The following BICC1 variants were observed in gnomAD, a reference collection of about 807,000 sequenced individuals.
BICC1 encodes the protein protein bicaudal C homolog 1.
Under a neutral mutation model 111.0 loss-of-function variants are expected in BICC1, and 43 were observed. The observed-to-expected ratio is 0.39, with a 90% confidence interval of 0.30 to 0.50. The LOEUF (loss-of-function observed/expected upper bound fraction) is 0.50, where lower values mean the gene tolerates loss of function less well. Among genes scored for constraint, BICC1 ranks in the 20% least tolerant of loss-of-function variants. The probability of loss-of-function intolerance (pLI) is 0.88; values close to 1 mark genes in which losing one functional copy is unlikely to be tolerated. For missense variants in BICC1, 1,091 were observed against 1,203.2 expected, an observed-to-expected ratio of 0.91 and a Z score of 1.38; for synonymous variants, 467 against 434.4, an observed-to-expected ratio of 1.07 and a Z score of -0.93.
chr10:58,721,419 T>C (rs1840936059), intron 3 of BICC1, among the ~76,000 whole-genome samples: 1 of 152,124 alleles, frequency 6.6e-6, no homozygotes, highest in African/African-American at 2.4e-5. Context: ...CATGGAAAAA[T>C]GGAATTGGGA....
At chr10:58,696,727 A>G (rs1840075204) in intron 2 of BICC1, among the ~76,000 whole-genome samples, 1 of 152,220 alleles carries the variant, frequency 6.6e-6, no homozygotes, top group Non-Finnish European at 1.5e-5. Context: ...TACCTGAAAT[A>G]GCAAAATCAT....
chr10:58,740,686 A>T (rs375359526), intron 3 of BICC1, among the ~76,000 whole-genome samples: 1 of 152,222 alleles, frequency 6.6e-6, no homozygotes, highest in South Asian at 2.1e-4. Context: ...ACAGCTCCTT[A>T]GGACAGAGTT....
chr10:58,786,958 T>C lies in BICC1; in HGVS notation c.423T>C (p.His141=). ...TCACACTGAAGATGGATGTTTCACA[T>C]ACAGAACATTCACATGTAATCGGCA... The part of the protein sequence containing the change: ...NRVTLKMDVS[H]TEHSHVIGKG... The change falls in exon 5 of 21, where the codon CAT becomes CAC. Residue 141 remains histidine (H), a synonymous_variant. Transcript: ENST00000373886. 1 of 1,602,686 alleles carries C rather than the reference T, an allele frequency of 6.2e-7. No homozygotes were observed. The highest frequency in any genetic ancestry group is 8.5e-7 in the Non-Finnish European group (1 of 1,176,424).
chr10:58,544,383 G>A (rs567989172), intron 1 of BICC1, among the ~76,000 whole-genome samples: 2 of 152,226 alleles, frequency 1.3e-5, no homozygotes, highest in East Asian at 1.9e-4. Flanking sequence ...TTTAAAAGTA[G>A]ACTGTCATGG....
rs781693609 is a variant in BICC1, at chr10:58,800,214, T to G, written c.1746T>G (p.Gly582=). ...GHAQSPDIKY[G]AISTSSLGEK... ...TTTAGTCTCCAGATATAAAATATGG[T>G]GCAATATCCACTTCATCACTTGGAG... Residue 582 remains glycine, a synonymous_variant, in exon 13 of 21, where the codon GGT becomes GGG. Transcript: ENST00000373886. 6.2e-7 allele frequency: 1 copy of G among 1,604,722 alleles called. No homozygotes were observed. The highest frequency in any genetic ancestry group is 8.5e-7 in the Non-Finnish European group (1 of 1,172,052).
chr10:58,630,096 C>T (rs1335762298), intron 2 of BICC1, among the ~76,000 whole-genome samples: 1 of 152,188 alleles, frequency 6.6e-6, no homozygotes, highest in Non-Finnish European at 1.5e-5. Flanking sequence ...CTTCTCTATA[C>T]AGTGTACGTG....
At chr10:58,556,473 T>C (rs1387442204) in intron 1 of BICC1, among the ~76,000 whole-genome samples, 1 of 152,122 alleles carries the variant, frequency 6.6e-6, no homozygotes, top group East Asian at 1.9e-4. Context: ...TTAGAAAATA[T>C]TTGTATGGAG....
Position 58,534,181 on chromosome 10 carries a change from G to T in BICC1, c.190+20848G>T, listed in dbSNP as rs1295675780. ...GAAAATAGGTAAAGGAGGGCATTAA[G>T]TCTCCCCTTACCCAAGATAGCAGAT... On this transcript the variant is annotated intron_variant, in intron 1 of 20. Transcript: ENST00000373886. Among the ~76,000 whole-genome samples the T allele has an allele frequency of 1.1e-4, 17 of 151,824 alleles. No individual in the cohort carries two copies. The East Asian group carries it at 3.3e-3, about 30-fold the overall frequency.
chr10:58,751,455 A>C (rs556754903), intron 3 of BICC1, among the ~76,000 whole-genome samples: 426 of 152,174 alleles, frequency 2.8e-3, no homozygotes, highest in Non-Finnish European at 5.0e-3. Flanking sequence ...TTTCCTTAAA[A>C]CCTAATGAAG....
Position 58,794,697 on chromosome 10 carries a change from G to A in BICC1, c.1179+1082G>A, listed in dbSNP as rs542798429. 2.6e-5 allele frequency among the ~76,000 whole-genome samples: 4 copies of A among 152,272 alleles called. No homozygotes were observed. The South Asian group carries it at 8.3e-4, about 32-fold the overall frequency. The stretch of plus-strand genomic sequence containing the variant: ...AGCCTCCCAAAGTGCTGGGATTACA[G>A]GTGTGAGTCACTGTCTCCGGCTCAG... On this transcript the variant is annotated intron_variant, in intron 9 of 20. Transcript: ENST00000373886.
intron 1 of BICC1, among the ~76,000 whole-genome samples, chr10:58,572,870 C>T (rs1589109879): frequency 6.6e-6 from 1 of 152,196 alleles, no homozygotes; most frequent in South Asian, 2.1e-4. Context: ...TTTCCATTGT[C>T]ATTAGGTAGT....
intron 1 of BICC1, among the ~76,000 whole-genome samples, chr10:58,619,721 C>T (rs1239495483): frequency 2.0e-5 from 3 of 152,158 alleles, no homozygotes; most frequent in Admixed American, 1.3e-4. Context: ...GATCCGTCTG[C>T]CTCGGCCTCC....
chr10:58,627,765 A>G (rs1837675160), intron 2 of BICC1, among the ~76,000 whole-genome samples: 1 of 152,154 alleles, frequency 6.6e-6, no homozygotes, highest in Non-Finnish European at 1.5e-5. Context: ...GGCATAGGAC[A>G]AACTTGGTCT....
At chr10:58,600,866 T>G (rs1177220671) in intron 1 of BICC1, among the ~76,000 whole-genome samples, 2 of 152,002 alleles carry the variant, frequency 1.3e-5, no homozygotes, top group Non-Finnish European at 2.9e-5. Context: ...ATAGAAAATA[T>G]GTTTTAATCA....
At chr10:58,610,058 C>T (rs1026536467) in intron 1 of BICC1, among the ~76,000 whole-genome samples, 1 of 152,146 alleles carries the variant, frequency 6.6e-6, no homozygotes, top group Non-Finnish European at 1.5e-5. Context: ...ATCAGTCCAC[C>T]AGGAAGTCTT....
chr10:58,798,388 A>G lies in BICC1; in HGVS notation c.1367-11A>G. The G allele has an allele frequency of 6.5e-7, 1 of 1,547,036 alleles. No individual in the cohort carries two copies. Among genetic ancestry groups the G allele is most frequent in the South Asian group, 1.3e-5 (1 of 79,518 alleles). ...TTATGTGAATTGACTTTATATATTC[A>G]TTTATTACAGGTCTTTTGGGACCCA... On this transcript the variant is annotated splice_polypyrimidine_tract_variant and intron_variant, in intron 10 of 20. Coordinates refer to ENST00000373886, the MANE Select transcript of BICC1 (RefSeq NM_001080512.3).
chr10:58,641,169 T>C (rs547338102), intron 2 of BICC1, among the ~76,000 whole-genome samples: 1 of 152,342 alleles, frequency 6.6e-6, no homozygotes, highest in Admixed American at 6.5e-5. Flanking sequence ...AGGCAGTTGG[T>C]AAATAATTTC....
chr10:58,565,163 A>T (rs1843718153), intron 1 of BICC1, among the ~76,000 whole-genome samples: 1 of 152,202 alleles, frequency 6.6e-6, no homozygotes, highest in South Asian at 2.1e-4. Flanking sequence ...TTTCATATTT[A>T]GGATTTTATT....
intron 3 of BICC1, among the ~76,000 whole-genome samples, chr10:58,769,404 G>GTGTATATATATATATA (rs1050060686): frequency 3.8e-4 from 42 of 109,748 alleles, no homozygotes; most frequent in East Asian, 9.2e-4. Flanking sequence ...GTGTGTGTGT[G>GTGTATATATATATATA]TATATATATA....
Sources: gnomAD v4.1 joint callset for allele counts (sites outside exome capture counted in the v4.1 genomes callset) on GRCh38, gnomAD v4.1.1 for gene constraint, MANE v1.5 for transcripts, NCBI Gene and HGNC (gene_info 2026-07-23, HGNC 2026-07-21) for gene names.